Variants in BET1L observed in about 807,000 individuals in gnomAD.
BET1L encodes the protein Bet1 golgi vesicular membrane trafficking protein like.
In BET1L, 13 loss-of-function variants were observed where a neutral mutation model predicts 12.6. The ratio of observed to expected loss-of-function variants is 1.03; its 90% CI spans 0.67 to 1.64. The LOEUF (loss-of-function observed/expected upper bound fraction) is 1.64, where lower values mean the gene tolerates loss of function less well. Ranked by LOEUF, BET1L falls within the 40% of genes most tolerant of loss-of-function variation. The probability of loss-of-function intolerance (pLI) is 0.00; values close to 1 mark genes in which losing one functional copy is unlikely to be tolerated. For missense variants in BET1L, 154 were observed against 150.7 expected (o/e 1.02, Z -0.11); for synonymous variants, 60 against 56.9 (o/e 1.05, Z -0.25).
chr11:205,663 G>A lies in BET1L; in HGVS notation c.116C>T (p.Ala39Val). The A allele has an allele frequency of 6.2e-6, 10 of 1,609,116 alleles. No individual in the cohort carries two copies. Among genetic ancestry groups the A allele is most frequent in the Non-Finnish European group, 8.5e-6 (10 of 1,177,780 alleles). ...CTCTGCATCCCTATCGATGTCCAGG[G>A]CGAGCTGTTCAGCAGACAGAGAGGG... is the stretch of plus-strand genomic sequence containing the variant. ...ASKVTRLKSLALDIDRDAEDQ... is the reference protein window; with the variant it reads ...ASKVTRLKSLVLDIDRDAEDQ... The change falls in exon 3 of 4, where the codon GCC (alanine) becomes GTC (valine). Residue 39 changes from alanine (A) to valine (V), a missense_variant. Transcript: ENST00000382762.
intron 1 of BET1L, 79 bp from the exon 2 acceptor site, chr11:206,122 G>T: frequency 7.8e-7 from 1 of 1,285,276 alleles, no homozygotes; most frequent in Non-Finnish European, 1.1e-6. Flanking sequence ...ACCACATCTG[G>T]GTGAGTCAGA....
In BET1L at chr11:204,998, C is replaced by T. The variant is rs1855115652; in HGVS notation, c.*304G>A. 2.6e-6 allele frequency: 1 copy of T among 387,758 alleles called. No homozygotes were observed. Among genetic ancestry groups the T allele is most frequent in the East Asian group, 5.5e-5 (1 of 18,082 alleles). 24.0% of individuals were successfully genotyped at this position (387,758 alleles called of 1,614,324 possible). On this transcript the variant is annotated 3_prime_UTR_variant, in exon 4 of 4. Coordinates refer to ENST00000382762, the MANE Select transcript of BET1L (RefSeq NM_001098787.2). ...CGTCTGGGATTCACCAGCTGCTCTG[C>T]TCAGACCTGGCTTCTCCAGACACGC...
At chr11:206,099 C>T in intron 1 of BET1L, 56 bp from the exon 2 acceptor site, 1 of 1,475,660 alleles carries the variant, frequency 6.8e-7, no homozygotes, top group Non-Finnish European at 9.4e-7. Context: ...GGCCCCTGAC[C>T]CCTCTCACTC....
intron 1 of BET1L, 35 bp downstream of exon 1, chr11:207,268 C>A: frequency 6.6e-7 from 1 of 1,526,166 alleles, no homozygotes; most frequent in Admixed American, 1.9e-5. Flanking sequence ...TTCGGCCCGG[C>A]CCTGCCCCCA....
intron 1 of BET1L, 100 bp from the exon 2 acceptor site, chr11:206,143 G>T: frequency 9.7e-7 from 1 of 1,029,924 alleles, no homozygotes; most frequent in Non-Finnish European, 1.5e-6. Flanking sequence ...AATCTAGGGG[G>T]CCCTAACCAA....
rs190212524 is a variant in BET1L at position 207,050 on chromosome 11, G to A, written c.19+253C>T. 702 of 518,450 alleles carry A rather than the reference G, an allele frequency of 1.4e-3. 3 individuals carry two copies. The highest frequency in any genetic ancestry group is 3.5e-3 in the Middle Eastern group (7 of 2,010). 32.1% of individuals were successfully genotyped at this position (518,450 alleles called of 1,614,324 possible). On this transcript the variant is annotated intron_variant, in intron 1 of 3. Transcript: ENST00000382762. ...GATCTCACAGGGGGCGGCGGGGAGT[G>A]GGGAGACCCCGCTGCTGCGCGACCC...
intron 3 of BET1L, 66 bp downstream of exon 3, chr11:205,545 A>C: frequency 1.2e-6 from 2 of 1,614,152 alleles, no homozygotes; most frequent in South Asian, 1.1e-5. Flanking sequence ...TGAAGGAGAC[A>C]CTGCAGGCTC....
chr11:206,328 A>G (rs1461696286), intron 1 of BET1L, among the ~76,000 whole-genome samples: 2 of 152,238 alleles, frequency 1.3e-5, no homozygotes, highest in Admixed American at 1.3e-4. Context: ...AACTGGACCC[A>G]GCCCTGGGGT....
At chr11:205,740 A>T in intron 2 of BET1L, 73 bp from the exon 3 acceptor site, 6 of 1,546,238 alleles carry the variant, frequency 3.9e-6, no homozygotes, top group Non-Finnish European at 5.2e-6. Flanking sequence ...TCCCCAGACC[A>T]GATAAACCCT....
chr11:205,779 C>T, intron 2 of BET1L, 112 bp from the exon 3 acceptor site: 3 of 1,493,600 alleles, frequency 2.0e-6, no homozygotes, highest in East Asian at 4.6e-5. Flanking sequence ...CACAGTGGGG[C>T]TGCAGCAGAC....
chr11:207,100 C>T (rs2133740986), intron 1 of BET1L: 2 of 628,018 alleles, frequency 3.2e-6, no homozygotes, highest in Non-Finnish European at 5.0e-6. Context: ...TGGGCCGCCA[C>T]GCGCGCCTTC....
chr11:205,355 G>T lies in BET1L; in HGVS notation c.283C>A (p.Leu95Ile). 1 of 1,614,086 alleles carries T rather than the reference G, an allele frequency of 6.2e-7. No individual in the cohort carries two copies. Reference protein sequence around the residue: ...RKLLCGMAVGLIVAFFILSYF... With the variant: ...RKLLCGMAVGIIVAFFILSYF... ...GAGAGGATGAAGAAGGCCACAATTA[G>T]ACCCACGGCCATGCCACATAGAAGC... Residue 95 changes from leucine to isoleucine, a missense_variant, in exon 4 of 4, where the codon CTA becomes ATA. Physicochemically the swap from Leu to Ile is conservative, Grantham distance 5 (BLOSUM62 2). Transcript: ENST00000382762.
At chr11:205,727 C>A (rs1855133725) in intron 2 of BET1L, 60 bp from the exon 3 acceptor site, 1 of 1,567,112 alleles carries the variant, frequency 6.4e-7, no homozygotes, top group Admixed American at 1.7e-5. Context: ...ACAGCACTCA[C>A]CCTCCCCAGA....
chr11:205,528 C>G, intron 3 of BET1L, 59 bp from the exon 4 acceptor site: 1 of 1,614,196 alleles, frequency 6.2e-7, no homozygotes. Context: ...CCCACCCGCA[C>G]CAGTGCTGAA....
rs757064767 is a variant in BET1L, at chr11:206,058, G to A, written c.20-15C>T. The stretch of plus-strand genomic sequence containing the variant: ...CGGGCTCTGAGCTGAGAAAAGAGAG[G>A]GGCTGAAGGGTTGCATCCATCGGTG... On this transcript the variant is annotated splice_polypyrimidine_tract_variant and intron_variant, in intron 1 of 3. Coordinates refer to ENST00000382762, the MANE Select transcript of BET1L (RefSeq NM_001098787.2). 17 of 1,611,282 alleles carry A rather than the reference G, an allele frequency of 1.1e-5. No individual in the cohort carries two copies. Among genetic ancestry groups the A allele is most frequent in the South Asian group, 2.2e-5 (2 of 91,056 alleles).
chr11:205,910 C>A, intron 2 of BET1L, 42 bp downstream of exon 2: 1 of 1,598,346 alleles, frequency 6.3e-7, no homozygotes, highest in Non-Finnish European at 8.6e-7. Context: ...CCCCATTCCC[C>A]AAAGGCACCA....
Position 203,234 on chromosome 11 carries a change from C to T in BET1L, c.*2068G>A, listed in dbSNP as rs550127265. ...TCCCTTTGTGGAATCCTTCTTAATA[C>T]AAGAGTGAGAAGCAGAAGAGCAAAC... On this transcript the variant is annotated 3_prime_UTR_variant, in exon 4 of 4. Coordinates refer to ENST00000382762, the MANE Select transcript of BET1L (RefSeq NM_001098787.2). 2.0e-5 allele frequency: 3 copies of T among 152,156 alleles called. No individual in the cohort carries two copies. The highest frequency in any genetic ancestry group is 4.1e-4 in the South Asian group (2 of 4,834). 9.4% of individuals were successfully genotyped at this position (152,156 alleles called of 1,614,324 possible).
At position 203,448 on chromosome 11, in the gene BET1L, T is replaced by C. The variant is rs1396408707; in HGVS notation, c.*1854A>G. On this transcript the variant is annotated 3_prime_UTR_variant, in exon 4 of 4. Transcript: ENST00000382762. ...TCAGCAAGATGAGCAGGCACCACCA[T>C]GGAAAGAGCACCTGGGGTGTAGCTG... The C allele has an allele frequency of 6.6e-6, 1 of 152,278 alleles. No homozygotes were observed. Among genetic ancestry groups the C allele is most frequent in the Non-Finnish European group, 1.5e-5 (1 of 67,992 alleles). The allele number at this position is 152,278 out of a possible 1,614,324, so 9.4% of individuals were successfully genotyped here.
Position 203,569 on chromosome 11 carries a change from A to G in BET1L, c.*1733T>C, listed in dbSNP as rs933392054. 6.6e-6 allele frequency: 1 copy of G among 152,606 alleles called. No individual in the cohort carries two copies. Among genetic ancestry groups the G allele is most frequent in the African/African-American group, 2.4e-5 (1 of 41,470 alleles). The allele number at this position is 152,606 out of a possible 1,614,324, so 9.5% of individuals were successfully genotyped here. A position where few individuals can be genotyped will look rare whatever the true frequency, so the allele number is the denominator to read the frequency against. Reference sequence around the variant, plus strand: ...TGAAGGGTTGGCACCTGCAGTGACCAGATGGAGATACAATGCAGGCAGCTG... The same window carrying G: ...TGAAGGGTTGGCACCTGCAGTGACCGGATGGAGATACAATGCAGGCAGCTG... On this transcript the variant is annotated 3_prime_UTR_variant, in exon 4 of 4. Coordinates refer to ENST00000382762, the MANE Select transcript of BET1L (RefSeq NM_001098787.2).
Sources: gnomAD v4.1 joint callset for allele counts (sites outside exome capture counted in the v4.1 genomes callset) on GRCh38, gnomAD v4.1.1 for gene constraint, MANE v1.5 for transcripts, NCBI Gene and HGNC (gene_info 2026-07-23, HGNC 2026-07-21) for gene names.